Variants in TCF24 observed in about 807,000 individuals in gnomAD.
TCF24 encodes the protein transcription factor 24.
Under a neutral mutation model 9.3 loss-of-function variants are expected in TCF24, and 5 were observed. That is an observed-to-expected ratio of 0.54 (90% CI 0.28 to 1.13). TCF24 has a LOEUF of 1.13. Ranked by LOEUF, TCF24 falls within the 50% of genes most tolerant of loss-of-function variation. The probability of loss-of-function intolerance (pLI) is 0.09; values close to 1 mark genes in which losing one functional copy is unlikely to be tolerated. For synonymous variants in TCF24, 110 were observed against 115.8 expected, an observed-to-expected ratio of 0.95 and a Z score of 0.32; for missense variants, 220 against 236.1, an observed-to-expected ratio of 0.93 and a Z score of 0.45.
chr8:66,950,516 A>G (rs1285668608), intron 3 of TCF24, among the ~76,000 whole-genome samples: 3 of 152,030 alleles, frequency 2.0e-5, no homozygotes, highest in African/African-American at 7.2e-5. Context: ...GTTTGAAGTC[A>G]GGTAGTGTGA....
rs1270952686 is a variant in TCF24 at position 66,961,478 on chromosome 8, G to C, written c.288C>G (p.Thr96=). 1.3e-6 allele frequency: 2 copies of C among 1,527,918 alleles called. No homozygotes were observed. 94.6% of individuals were successfully genotyped at this position (1,527,918 alleles called of 1,614,324 possible). ...GGCTGCGGGTGAGATGCGCGATGTA[G>C]GTGGTGGCCAGCAGCAGCACGTCCA... ...SKLDVLLLAT[T]YIAHLTRSLQ... The change falls in exon 3 of 4, where the codon ACC becomes ACG. Residue 96 remains threonine (T), a synonymous_variant. Transcript: ENST00000563496.
At chr8:66,959,380 ATAGT>A (rs1322581585) in intron 3 of TCF24, among the ~76,000 whole-genome samples, 1 of 152,228 alleles carries the variant, frequency 6.6e-6, no homozygotes, top group African/African-American at 2.4e-5. Flanking sequence ...AAAAGTATAA[ATAGT>A]TAGGATATTT....
At chr8:66,959,442 G>A (rs1283203278) in intron 3 of TCF24, among the ~76,000 whole-genome samples, 1 of 152,130 alleles carries the variant, frequency 6.6e-6, no homozygotes, top group Non-Finnish European at 1.5e-5. Flanking sequence ...AAACATTTTG[G>A]TAGTGTCTGT....
intron 3 of TCF24, among the ~76,000 whole-genome samples, chr8:66,956,311 A>G (rs1422423704): frequency 1.3e-5 from 2 of 151,812 alleles, no homozygotes; most frequent in African/African-American, 4.8e-5. Flanking sequence ...TAGGTGTATC[A>G]TTGTCAGTGG....
intron 3 of TCF24, among the ~76,000 whole-genome samples, 187 bp from the exon 4 acceptor site, chr8:66,948,351 A>T (rs942439011): frequency 2.6e-5 from 4 of 152,244 alleles, no homozygotes; most frequent in Non-Finnish European, 5.9e-5. Context: ...AGTAAAAAAC[A>T]AAAATATACT....
intron 3 of TCF24, among the ~76,000 whole-genome samples, chr8:66,953,290 G>A (rs921639516): frequency 4.0e-5 from 6 of 151,034 alleles, no homozygotes; most frequent in African/African-American, 9.7e-5. Flanking sequence ...GGGCGGGCCT[G>A]GTGGTGACAA....
Position 66,961,465 on chromosome 8 carries a change from G to A in TCF24, c.301C>T (p.Leu101Phe), listed in dbSNP as rs1814251588. The change falls in exon 3 of 4, where the codon CTC becomes TTC. Residue 101 changes from leucine (L) to phenylalanine (F), a missense_variant. Transcript: ENST00000563496. ...LLLATTYIAHLTRSLQDDAEA... is the reference protein window; with the variant it reads ...LLLATTYIAHFTRSLQDDAEA... Reference sequence around the variant, plus strand: ...GCGTCGTCCTGCAGGCTGCGGGTGAGATGCGCGATGTAGGTGGTGGCCAGC... The same window carrying A: ...GCGTCGTCCTGCAGGCTGCGGGTGAAATGCGCGATGTAGGTGGTGGCCAGC... 2.6e-6 allele frequency: 4 copies of A among 1,528,574 alleles called. No homozygotes were observed. The highest frequency in any genetic ancestry group is 3.5e-6 in the Non-Finnish European group (4 of 1,144,202). 94.7% of individuals were successfully genotyped at this position (1,528,574 alleles called of 1,614,324 possible).
At chr8:66,954,775 G>T (rs1478395809) in intron 3 of TCF24, among the ~76,000 whole-genome samples, 3 of 152,264 alleles carry the variant, frequency 2.0e-5, no homozygotes, top group African/African-American at 4.8e-5. Flanking sequence ...CTCCGAGCCA[G>T]GTGCGGGATA....
At chr8:66,949,350 C>T (rs551718984) in intron 3 of TCF24, among the ~76,000 whole-genome samples, 236 of 151,362 alleles carry the variant, frequency 1.6e-3, no homozygotes, top group African/African-American at 4.6e-3. Context: ...TGAGAATATG[C>T]GGTGTTTGGT....
intron 3 of TCF24, among the ~76,000 whole-genome samples, chr8:66,952,873 C>G (rs1224201489): frequency 7.1e-6 from 1 of 140,370 alleles, no homozygotes; most frequent in African/African-American, 2.7e-5. Context: ...CTCTTTTGAT[C>G]TTTGTTGGTT....
intron 3 of TCF24, among the ~76,000 whole-genome samples, chr8:66,956,614 C>T (rs998611130): frequency 6.6e-6 from 1 of 152,182 alleles, no homozygotes; most frequent in Non-Finnish European, 1.5e-5. Context: ...CCGCCCGCCT[C>T]AGCCTTCCAA....
At chr8:66,949,675 G>A (rs556980134) in intron 3 of TCF24, among the ~76,000 whole-genome samples, 3 of 152,158 alleles carry the variant, frequency 2.0e-5, no homozygotes, top group South Asian at 2.1e-4. Context: ...TTGAGGAATC[G>A]CCACACTGAC....
intron 3 of TCF24, 145 bp downstream of exon 3, chr8:66,961,231 C>A: frequency 8.6e-7 from 1 of 1,159,210 alleles, no homozygotes; most frequent in East Asian, 3.2e-5. Context: ...CCACCAGTAC[C>A]CTCGCGGGCC....
chr8:66,958,332 A>G (rs1346953294), intron 3 of TCF24, among the ~76,000 whole-genome samples: 1 of 152,182 alleles, frequency 6.6e-6, no homozygotes, highest in Admixed American at 6.5e-5. Context: ...AAAACCATTT[A>G]CTGTAGTTTC....
chr8:66,953,529 T>A (rs1245577573), intron 3 of TCF24, among the ~76,000 whole-genome samples: 1 of 150,690 alleles, frequency 6.6e-6, no homozygotes, highest in Non-Finnish European at 1.5e-5. Context: ...GCCCTTAACA[T>A]TTTTTCCTTC....
chr8:66,951,568 G>A (rs1814059478), intron 3 of TCF24, among the ~76,000 whole-genome samples: 1 of 152,148 alleles, frequency 6.6e-6, no homozygotes, highest in Non-Finnish European at 1.5e-5. Flanking sequence ...TTTTGGTTGT[G>A]TCTCTGCCCG....
In TCF24 at chr8:66,961,386, T is replaced by C. The variant is rs1814249082; in HGVS notation, c.380A>G (p.His127Arg). The C allele has an allele frequency of 6.7e-6, 10 of 1,498,058 alleles. No homozygotes were observed. The highest frequency in any genetic ancestry group is 8.8e-6 in the Non-Finnish European group (10 of 1,130,020). The allele number at this position is 1,498,058 out of a possible 1,614,324, so 92.8% of individuals were successfully genotyped here. Residue 127 changes from histidine to arginine, a missense_variant, in exon 3 of 4, where the codon CAC (histidine) becomes CGC (arginine). His to Arg is a conservative substitution (Grantham distance 29, BLOSUM62 0). Coordinates refer to ENST00000563496, the MANE Select transcript of TCF24 (RefSeq NM_001193502.2). ...GCCCCGCCCGCTTACCTTGACCGGGTGCAGGTAGCCATCGCCGCGCAGGGC... is the reference window on the plus strand; with the variant it reads ...GCCCCGCCCGCTTACCTTGACCGGGCGCAGGTAGCCATCGCCGCGCAGGGC... ...LGALRGDGYLHPVKKWPMRSR... is the reference protein window; with the variant it reads ...LGALRGDGYLRPVKKWPMRSR...
At chr8:66,956,685 G>A (rs1814158926) in intron 3 of TCF24, among the ~76,000 whole-genome samples, 1 of 152,130 alleles carries the variant, frequency 6.6e-6, no homozygotes, top group Non-Finnish European at 1.5e-5. Flanking sequence ...TTAGAAACTG[G>A]AGTGAGGTTT....
intron 3 of TCF24, among the ~76,000 whole-genome samples, chr8:66,953,974 G>T (rs1161874581): frequency 6.6e-6 from 1 of 151,098 alleles, no homozygotes; most frequent in Non-Finnish European, 1.5e-5. Flanking sequence ...TCTCTGTATT[G>T]GTTATTCTAG....
Sources: allele counts gnomAD v4.1 joint callset (sites outside exome capture counted in the v4.1 genomes callset), GRCh38; gene constraint gnomAD v4.1.1; transcripts MANE v1.5; gene names NCBI Gene and HGNC (gene_info 2026-07-23, HGNC 2026-07-21).